Variants in SLC38A6 observed in about 807,000 individuals in gnomAD.
SLC38A6 encodes solute carrier family 38 member 6, also known as N system amino acid transporter NAT-1.
In SLC38A6, 73 loss-of-function variants were observed where a neutral mutation model predicts 65.0. The observed-to-expected ratio is 1.12, with a 90% CI of 0.93 to 1.37. The LOEUF (loss-of-function observed/expected upper bound fraction) is 1.37, where lower values mean the gene tolerates loss of function less well. SLC38A6 is among the 40% of genes most tolerant of loss of function. The probability of loss-of-function intolerance (pLI) is 0.00; values close to 1 mark genes in which losing one functional copy is unlikely to be tolerated. For synonymous variants in SLC38A6, 183 were observed against 178.8 expected (o/e 1.02, Z -0.19); for missense variants, 561 against 531.1 (o/e 1.06, Z -0.55).
chr14:61,010,194 C>G (rs896213177), intron 3 of SLC38A6, among the ~76,000 whole-genome samples: 1 of 152,120 alleles, frequency 6.6e-6, no homozygotes, highest in African/African-American at 2.4e-5. Context: ...TGAGAAGTGT[C>G]TGTTCATATC....
intron 15 of SLC38A6, among the ~76,000 whole-genome samples, chr14:61,066,848 T>C (rs1215404804): frequency 1.3e-5 from 2 of 152,174 alleles, no homozygotes; most frequent in Non-Finnish European, 2.9e-5. Context: ...TGTGTATATA[T>C]TTTATCTAGT....
intron 5 of SLC38A6, among the ~76,000 whole-genome samples, chr14:61,028,179 A>C (rs1441728808): frequency 6.6e-6 from 1 of 152,158 alleles, no homozygotes; most frequent in African/African-American, 2.4e-5. Flanking sequence ...TCTCATATTC[A>C]CTGAAGCTTT....
chr14:61,075,249 C>G (rs1383579837), intron 15 of SLC38A6, among the ~76,000 whole-genome samples: 2 of 152,152 alleles, frequency 1.3e-5, no homozygotes, highest in African/African-American at 2.4e-5. Flanking sequence ...CTAATAAAGT[C>G]AGTAGACACA....
chr14:60,998,099 A>G (rs2038421357), intron 3 of SLC38A6, among the ~76,000 whole-genome samples: 1 of 151,606 alleles, frequency 6.6e-6, no homozygotes, highest in African/African-American at 2.4e-5. Context: ...TTAAATATGT[A>G]TAAGGCATAG....
chr14:61,019,292 A>G (rs889297405), intron 4 of SLC38A6, among the ~76,000 whole-genome samples: 71 of 152,304 alleles, frequency 4.7e-4, no homozygotes, highest in African/African-American at 1.5e-3. Context: ...ACTTTTAACA[A>G]TTTAAAAGTG....
At chr14:61,036,473 A>G (rs979199092) in intron 6 of SLC38A6, among the ~76,000 whole-genome samples, 5 of 152,056 alleles carry the variant, frequency 3.3e-5, no homozygotes, top group African/African-American at 1.2e-4. Context: ...GGGGAGCATT[A>G]GGACAAATAC....
intron 3 of SLC38A6, among the ~76,000 whole-genome samples, chr14:60,996,544 A>T (rs2038308155): frequency 6.6e-6 from 1 of 152,116 alleles, no homozygotes; most frequent in Admixed American, 6.5e-5. Context: ...ACAAGAAAAA[A>T]GTAAAAGGGA....
chr14:61,079,318 T>C (rs937925066), intron 16 of SLC38A6, among the ~76,000 whole-genome samples: 2 of 151,354 alleles, frequency 1.3e-5, no homozygotes, highest in African/African-American at 4.9e-5. Context: ...TCTATTTTTA[T>C]TAGAGGCGGG....
intron 15 of SLC38A6, among the ~76,000 whole-genome samples, chr14:61,073,632 T>A (rs190883731): frequency 2.2e-4 from 33 of 152,330 alleles, no homozygotes; most frequent in African/African-American, 7.9e-4. Flanking sequence ...TTTACCATCT[T>A]TTTATGATGA....
intron 15 of SLC38A6, among the ~76,000 whole-genome samples, chr14:61,064,244 G>A (rs972911237): frequency 2.6e-5 from 4 of 152,136 alleles, no homozygotes; most frequent in South Asian, 2.1e-4. Context: ...CAGTCAATCC[G>A]ATATCCTACT....
intron 3 of SLC38A6, among the ~76,000 whole-genome samples, chr14:60,999,294 C>T (rs2038534819): frequency 6.6e-6 from 1 of 152,188 alleles, no homozygotes. Context: ...ACGTAGTCTT[C>T]TGTCTTCCTT....
At chr14:61,074,118 G>C (rs2043318886) in intron 15 of SLC38A6, among the ~76,000 whole-genome samples, 1 of 152,174 alleles carries the variant, frequency 6.6e-6, no homozygotes, top group Admixed American at 6.5e-5. Flanking sequence ...TTTGGTGGGA[G>C]AGTCAAAAAT....
chr14:61,033,218 A>T (rs2041122719), intron 6 of SLC38A6, among the ~76,000 whole-genome samples: 1 of 151,892 alleles, frequency 6.6e-6, no homozygotes, highest in African/African-American at 2.4e-5. Context: ...AACATATGAT[A>T]CTCTTGTTCC....
chr14:60,987,444 C>G (rs981362821), intron 3 of SLC38A6: 2 of 152,502 alleles, frequency 1.3e-5, no homozygotes, highest in African/African-American at 4.8e-5. Flanking sequence ...CGTTTGGGGT[C>G]TATCAGGACT....
intron 3 of SLC38A6, among the ~76,000 whole-genome samples, chr14:61,000,301 T>A (rs2038616172): frequency 6.6e-6 from 1 of 152,204 alleles, no homozygotes; most frequent in Non-Finnish European, 1.5e-5. Flanking sequence ...AAAATAAACA[T>A]GCAAGGCAAA....
chr14:61,011,904 A>C (rs574899589), intron 3 of SLC38A6, among the ~76,000 whole-genome samples: 98 of 152,256 alleles, frequency 6.4e-4, no homozygotes, highest in African/African-American at 2.2e-3. Flanking sequence ...TCATACAATG[A>C]GTTAGGGAGG....
At chr14:61,046,846 T>G (rs1273443279) in intron 12 of SLC38A6, among the ~76,000 whole-genome samples, 2 of 152,158 alleles carry the variant, frequency 1.3e-5, no homozygotes, top group African/African-American at 4.8e-5. Flanking sequence ...AGGAAAAGCA[T>G]TATTTCCAAT....
intron 15 of SLC38A6, among the ~76,000 whole-genome samples, chr14:61,061,735 G>A (rs1424614363): frequency 1.3e-5 from 2 of 152,160 alleles, no homozygotes; most frequent in African/African-American, 4.8e-5. Flanking sequence ...ACCACAGTTT[G>A]TTTATCCATT....
intron 16 of SLC38A6, among the ~76,000 whole-genome samples, chr14:61,080,055 A>G (rs1163164120): frequency 6.6e-6 from 1 of 152,208 alleles, no homozygotes; most frequent in African/African-American, 2.4e-5. Flanking sequence ...AACATGGCCA[A>G]GCTGTTAATA....
Sources: gnomAD v4.1 joint callset for allele counts (sites outside exome capture counted in the v4.1 genomes callset) on GRCh38, gnomAD v4.1.1 for gene constraint, MANE v1.5 for transcripts, NCBI Gene and HGNC (gene_info 2026-07-23, HGNC 2026-07-21) for gene names.